CTBP1: variants seen among roughly 807,000 people sequenced by gnomAD.
The protein encoded by CTBP1 is C-terminal binding protein 1.
In CTBP1, 11 loss-of-function variants were observed where a neutral mutation model predicts 42.1. That is an observed-to-expected ratio of 0.26 (90% confidence interval 0.16 to 0.43). The LOEUF (loss-of-function observed/expected upper bound fraction) is 0.43, where lower values mean the gene tolerates loss of function less well. CTBP1 is among the 20% of genes least tolerant of loss of function. The pLI is 1.00. For missense variants in CTBP1, 399 were observed against 624.3 expected, an observed-to-expected ratio of 0.64 and a Z score of 3.85; for synonymous variants, 324 against 277.1, an observed-to-expected ratio of 1.17 and a Z score of -1.68.
chr4:1,225,190 G>A (rs936820351), intron 5 of CTBP1, among the ~76,000 whole-genome samples, 170 bp downstream of exon 5: 6 of 152,340 alleles, frequency 3.9e-5, no homozygotes, highest in African/African-American at 1.2e-4. Flanking sequence ...TAGGGCACAC[G>A]CCTGGGACTC....
At chr4:1,247,425 C>T (rs1732829339) in intron 1 of CTBP1, among the ~76,000 whole-genome samples, 1 of 152,008 alleles carries the variant, frequency 6.6e-6, no homozygotes, top group Admixed American at 6.5e-5. Flanking sequence ...GGAGCCAAAC[C>T]CAGACCCCAG....
intron 5 of CTBP1, chr4:1,217,490 C>A (rs1351407604): frequency 6.6e-6 from 1 of 152,400 alleles, no homozygotes. Context: ...GGGATCCCAC[C>A]AAATGGGGAG....
At chr4:1,243,787 G>A (rs1407224906) in intron 1 of CTBP1, 1 of 985,278 alleles carries the variant, frequency 1.0e-6, no homozygotes, top group Non-Finnish European at 1.2e-6. Context: ...GCTCCCAGAG[G>A]GGCCTGTGCT....
intron 1 of CTBP1, among the ~76,000 whole-genome samples, chr4:1,247,770 G>GGGGA (rs751311382): frequency 1.5e-5 from 2 of 135,172 alleles, no homozygotes; most frequent in Non-Finnish European, 3.3e-5. Flanking sequence ...GCCGGGGAGG[G>GGGGA]GGGGGGGGCT....
intron 8 of CTBP1, 105 bp from the exon 9 acceptor site, chr4:1,213,135 C>T: frequency 2.9e-6 from 3 of 1,020,038 alleles, no homozygotes; most frequent in South Asian, 1.4e-5. Flanking sequence ...CAGTGTGCTC[C>T]TCCCTCTCAG....
intron 1 of CTBP1, among the ~76,000 whole-genome samples, chr4:1,248,137 G>A (rs1732937657): frequency 6.6e-6 from 1 of 152,134 alleles, no homozygotes; most frequent in African/African-American, 2.4e-5. Flanking sequence ...GATGGCGATG[G>A]TGGCAAGCCC....
At chr4:1,244,051 G>A (rs1732459573) in intron 1 of CTBP1, 2 of 985,446 alleles carry the variant, frequency 2.0e-6, no homozygotes, top group South Asian at 4.7e-5. Flanking sequence ...GGGGTGAGGT[G>A]AGGGGCAGCA....
rs370229464 is a variant in CTBP1, at chr4:1,212,398, C to T, written c.1132G>A (p.Ala378Thr). Reference protein sequence around the residue: ...YRYPPGVVGVAPTGIPAAVEG... With the variant: ...YRYPPGVVGVTPTGIPAAVEG... ...ACAGCAGCTGGGATGCCAGTGGGGG[C>T]CACGCCCACCACGCCCGGAGGGTAC... The change falls in exon 10 of 10, where the codon GCC (alanine) becomes ACC (threonine). Residue 378 changes from alanine (A) to threonine (T), a missense_variant. Physicochemically the swap from Ala to Thr is moderately conservative, Grantham distance 58. This residue lies in a region of CTBP1 where 309 missense variants were observed against 497.5 expected (regional missense o/e 0.62). Transcript: ENST00000382952. 13 of 1,470,716 alleles carry T rather than the reference C, an allele frequency of 8.8e-6. No homozygotes were observed. The highest frequency in any genetic ancestry group is 1.2e-5 in the Non-Finnish European group (13 of 1,114,232). The allele number at this position is 1,470,716 out of a possible 1,614,324, so 91.1% of individuals were successfully genotyped here.
upstream of CTBP1, chr4:1,250,069 C>G: frequency 6.1e-6 from 1 of 164,558 alleles, no homozygotes; most frequent in South Asian, 1.4e-4. Context: ...CGCGTGGCTA[C>G]TCTGAGCCCT....
intron 5 of CTBP1, among the ~76,000 whole-genome samples, chr4:1,220,440 A>G (rs1413818934): frequency 1.3e-5 from 2 of 152,254 alleles, no homozygotes; most frequent in Admixed American, 1.3e-4. Context: ...GAGAGATCAT[A>G]TTTATGTCCC....
rs1729158073 is a variant in CTBP1, at chr4:1,216,702, G to C, written c.515-497C>G. 11 of 185,666 alleles carry C rather than the reference G, an allele frequency of 5.9e-5. No individual in the cohort carries two copies. In the South Asian group the frequency reaches 1.0e-3, roughly 17 times the overall value. 11.5% of individuals were successfully genotyped at this position (185,666 alleles called of 1,614,324 possible). ...ACCAGGGAGGCCCCGCTGGGCTCAG[G>C]TCCTGACCCCTTCGAGTGGAGCGGC... On this transcript the variant is annotated intron_variant, in intron 5 of 9. Transcript: ENST00000382952.
At chr4:1,221,132 G>C (rs543333085) in intron 5 of CTBP1, among the ~76,000 whole-genome samples, 3 of 152,250 alleles carry the variant, frequency 2.0e-5, no homozygotes, top group Non-Finnish European at 4.4e-5. Context: ...CGCAGACCAC[G>C]TGAGGGCTTC....
In CTBP1 at chr4:1,230,742, G is replaced by T. The variant is rs548024671; in HGVS notation, c.163-2399C>A. ...CTCCCGCACATTCGGAGGAGACAGC[G>T]ATCAGATTCACGTGAATATGACGAA... On this transcript the variant is annotated intron_variant, in intron 3 of 9. Transcript: ENST00000382952. Among the ~76,000 whole-genome samples the T allele has an allele frequency of 1.2e-3, 186 of 152,366 alleles. 1 individual carries two copies. The highest frequency in any genetic ancestry group is 4.3e-3 in the African/African-American group (179 of 41,584).
intron 1 of CTBP1, among the ~76,000 whole-genome samples, chr4:1,246,948 C>T (rs560696850): frequency 4.2e-4 from 64 of 152,366 alleles, no homozygotes; most frequent in African/African-American, 1.5e-3. Flanking sequence ...ACAGGACGAG[C>T]CAGCACTTCC....
chr4:1,248,732 AC>A, intron 1 of CTBP1, 183 bp downstream of exon 1: 1 of 977,880 alleles, frequency 1.0e-6, no homozygotes, highest in Non-Finnish European at 1.2e-6. Flanking sequence ...CATGCGCAAG[AC>A]CCTTCCCGCG....
intron 3 of CTBP1, among the ~76,000 whole-genome samples, chr4:1,229,104 T>C (rs1386119168): frequency 1.3e-5 from 2 of 152,176 alleles, no homozygotes; most frequent in Non-Finnish European, 2.9e-5. Flanking sequence ...AGCCAGTACA[T>C]GGCATCGCTG....
Position 1,214,855 on chromosome 4 carries a change from G to A in CTBP1, c.730-382C>T, listed in dbSNP as rs114616313. 2.0e-3 allele frequency among the ~76,000 whole-genome samples: 312 copies of A among 152,354 alleles called. 1 individual carries two copies. The highest frequency in any genetic ancestry group is 7.0e-3 in the African/African-American group (290 of 41,590). On this transcript the variant is annotated intron_variant, in intron 6 of 9. Transcript: ENST00000382952. ...CAGCCCACGAGGTGGGACTCCCTGG[G>A]ACGGCAAAGCCCAGGGCCGTCTGTT... is the stretch of plus-strand genomic sequence containing the variant.
chr4:1,247,776 G>GGC (rs1401830167), intron 1 of CTBP1, among the ~76,000 whole-genome samples: 1 of 151,592 alleles, frequency 6.6e-6, no homozygotes, highest in East Asian at 2.0e-4. Context: ...GAGGGGGGGG[G>GGC]GGCTCGGGCT....
chr4:1,225,148 G>A (rs1730190012), intron 5 of CTBP1, among the ~76,000 whole-genome samples: 1 of 152,138 alleles, frequency 6.6e-6, no homozygotes, highest in South Asian at 2.1e-4. Flanking sequence ...GTGCCTGTGT[G>A]AGACCCACGT....
Sources: allele counts gnomAD v4.1 joint callset (sites outside exome capture counted in the v4.1 genomes callset), GRCh38; gene constraint gnomAD v4.1.1; regional missense constraint gnomAD v4.1.1; transcripts MANE v1.5; gene names NCBI Gene and HGNC (gene_info 2026-07-23, HGNC 2026-07-21).